Variants in ZSWIM6 observed in about 807,000 individuals in gnomAD.
ZSWIM6 encodes the protein zinc finger SWIM-type containing 6, also known as zinc finger SWIM domain-containing protein 6.
Under a neutral mutation model 113.2 loss-of-function variants are expected in ZSWIM6, and 9 were observed. The ratio of observed to expected loss-of-function variants is 0.08; its 90% CI spans 0.05 to 0.14. The LOEUF is 0.14. Among genes scored for constraint, ZSWIM6 ranks in the 10% least tolerant of loss-of-function variants. The probability of loss-of-function intolerance (pLI) is 1.00; values close to 1 mark genes in which losing one functional copy is unlikely to be tolerated. For synonymous variants in ZSWIM6, 611 were observed against 606.5 expected (o/e 1.01, Z -0.11); for missense variants, 1,162 against 1,552.2 (o/e 0.75, Z 4.22).
chr5:61,366,401 A>G (rs895391329), intron 1 of ZSWIM6, among the ~76,000 whole-genome samples: 12 of 152,030 alleles, frequency 7.9e-5, no homozygotes, highest in African/African-American at 2.9e-4. Flanking sequence ...AATGTGTGGT[A>G]TCCTCAGCAT....
intron 1 of ZSWIM6, among the ~76,000 whole-genome samples, chr5:61,453,354 A>T (rs1012979462): frequency 1.1e-4 from 16 of 151,172 alleles, no homozygotes; most frequent in African/African-American, 3.6e-4. Flanking sequence ...TGTGGTGAGA[A>T]CACTTTACGT....
intron 2 of ZSWIM6, among the ~76,000 whole-genome samples, chr5:61,476,993 C>G (rs958694155): frequency 6.6e-6 from 1 of 152,130 alleles, no homozygotes; most frequent in Admixed American, 6.5e-5. Context: ...AGATAACTGA[C>G]CTTACCTCAT....
At chr5:61,386,326 C>CT (rs1412267771) in intron 1 of ZSWIM6, among the ~76,000 whole-genome samples, 1 of 152,166 alleles carries the variant, frequency 6.6e-6, no homozygotes, top group African/African-American at 2.4e-5. Flanking sequence ...GTTTTTTTCT[C>CT]TCTCTGTTTA....
intron 10 of ZSWIM6, among the ~76,000 whole-genome samples, chr5:61,538,569 G>A (rs1211879468): frequency 3.9e-5 from 6 of 152,070 alleles, no homozygotes; most frequent in African/African-American, 4.8e-5. Flanking sequence ...AATCTCTTAG[G>A]TTTGGGTGAT....
chr5:61,491,394 C>T (rs1476193733), intron 3 of ZSWIM6, among the ~76,000 whole-genome samples: 1 of 151,970 alleles, frequency 6.6e-6, no homozygotes, highest in African/African-American at 2.4e-5. Flanking sequence ...CAGTTTGAAT[C>T]CAAGTTCTAG....
At chr5:61,333,749 C>T (rs1429479217) in intron 1 of ZSWIM6, among the ~76,000 whole-genome samples, 1 of 152,044 alleles carries the variant, frequency 6.6e-6, no homozygotes, top group Admixed American at 6.5e-5. Context: ...CTAGCGCTTC[C>T]CTTTTCTCTG....
chr5:61,512,409 T>C (rs1748813399), intron 4 of ZSWIM6, among the ~76,000 whole-genome samples: 2 of 152,130 alleles, frequency 1.3e-5, no homozygotes, highest in Admixed American at 1.3e-4. Context: ...CATTTACAAA[T>C]TAAGCAGCTA....
chr5:61,444,699 T>C (rs1306514291), intron 1 of ZSWIM6, among the ~76,000 whole-genome samples: 1 of 152,196 alleles, frequency 6.6e-6, no homozygotes, highest in Non-Finnish European at 1.5e-5. Context: ...GATATTAATG[T>C]TTAATTTATA....
chr5:61,424,360 C>T (rs905856179), intron 1 of ZSWIM6, among the ~76,000 whole-genome samples: 7 of 152,094 alleles, frequency 4.6e-5, no homozygotes, highest in African/African-American at 1.7e-4. Context: ...TATAATTGCA[C>T]TTATTGGAAA....
chr5:61,483,075 G>A (rs568727352), intron 2 of ZSWIM6, among the ~76,000 whole-genome samples: 1 of 152,252 alleles, frequency 6.6e-6, no homozygotes, highest in African/African-American at 2.4e-5. Flanking sequence ...AATTTATAAA[G>A]AAAAGGAAGT....
chr5:61,421,434 T>C lies in ZSWIM6; in HGVS notation c.677-51247T>C, dbSNP rs1746353082. On this transcript the variant is annotated intron_variant, in intron 1 of 13. Coordinates refer to ENST00000252744, the MANE Select transcript of ZSWIM6 (RefSeq NM_020928.2). Reference sequence around the variant, plus strand: ...GTTCCCTTCATGTTGTTGCACATGATAGGATCTCATTTTTTCATGGCTGTA... The same window carrying C: ...GTTCCCTTCATGTTGTTGCACATGACAGGATCTCATTTTTTCATGGCTGTA... Among the ~76,000 whole-genome samples, 2 of 152,190 alleles carry C rather than the reference T, an allele frequency of 1.3e-5. 1 individual carries two copies. The highest frequency in any genetic ancestry group is 4.1e-4 in the South Asian group (2 of 4,824).
chr5:61,358,536 G>A (rs1469139930), intron 1 of ZSWIM6, among the ~76,000 whole-genome samples: 1 of 152,100 alleles, frequency 6.6e-6, no homozygotes, highest in Non-Finnish European at 1.5e-5. Flanking sequence ...TAATATTTAC[G>A]AATACAAATG....
intron 1 of ZSWIM6, among the ~76,000 whole-genome samples, chr5:61,340,044 A>C (rs1287761112): frequency 6.6e-6 from 1 of 152,148 alleles, no homozygotes. Context: ...TTAGATAAAA[A>C]CCTGGTTGTC....
chr5:61,503,869 T>A (rs1748535770), intron 4 of ZSWIM6, among the ~76,000 whole-genome samples: 1 of 152,192 alleles, frequency 6.6e-6, no homozygotes, highest in African/African-American at 2.4e-5. Context: ...ATTGGCAAAT[T>A]TAAACTAATG....
intron 10 of ZSWIM6, among the ~76,000 whole-genome samples, chr5:61,538,344 G>A (rs1289225781): frequency 1.3e-5 from 2 of 152,160 alleles, no homozygotes; most frequent in African/African-American, 4.8e-5. Flanking sequence ...GTTTAAATAG[G>A]TTAAGCTTAT....
chr5:61,530,516 G>A (rs867417885), intron 8 of ZSWIM6, among the ~76,000 whole-genome samples: 8 of 152,290 alleles, frequency 5.3e-5, no homozygotes, highest in African/African-American at 1.7e-4. Flanking sequence ...AAATAAAGAT[G>A]TACATCTTAG....
intron 1 of ZSWIM6, among the ~76,000 whole-genome samples, chr5:61,387,645 G>A (rs1165584915): frequency 6.6e-6 from 1 of 152,174 alleles, no homozygotes; most frequent in Non-Finnish European, 1.5e-5. Context: ...AGTGGCTCAT[G>A]CTTGTAATTC....
chr5:61,348,014 G>T (rs1367580264), intron 1 of ZSWIM6, among the ~76,000 whole-genome samples: 1 of 152,178 alleles, frequency 6.6e-6, no homozygotes, highest in East Asian at 1.9e-4. Context: ...GAGGTTAGGA[G>T]ATTGAGACCA....
chr5:61,413,282 T>C (rs187025702), intron 1 of ZSWIM6, among the ~76,000 whole-genome samples: 305 of 151,546 alleles, frequency 2.0e-3, no homozygotes, highest in African/African-American at 6.9e-3. Flanking sequence ...GTTTGGTTTT[T>C]TGCACTTGCA....
Sources: allele counts gnomAD v4.1 joint callset (sites outside exome capture counted in the v4.1 genomes callset), GRCh38; gene constraint gnomAD v4.1.1; transcripts MANE v1.5; gene names NCBI Gene and HGNC (gene_info 2026-07-23, HGNC 2026-07-21).